DLG1: variants seen among roughly 807,000 people sequenced by gnomAD.
The protein encoded by DLG1 is disks large homolog 1.
In DLG1, 42 loss-of-function variants were observed where a neutral mutation model predicts 123.4. The ratio of observed to expected loss-of-function variants is 0.34; its 90% CI spans 0.27 to 0.44. The LOEUF is 0.44. Ranked by LOEUF, DLG1 falls within the 20% of genes least tolerant of loss-of-function variation. The pLI is 1.00. For missense variants in DLG1, 942 were observed against 1,082.6 expected (o/e 0.87, Z 1.82); for synonymous variants, 317 against 356.2 (o/e 0.89, Z 1.24).
chr3:197,296,380 G>T lies in DLG1; in HGVS notation c.117C>A (p.Asn39Lys). 6.2e-7 allele frequency: 1 copy of T among 1,613,680 alleles called. No individual in the cohort carries two copies. Among genetic ancestry groups the T allele is most frequent in the Non-Finnish European group, 8.5e-7 (1 of 1,179,684 alleles). Residue 39 changes from asparagine to lysine, a missense_variant, in exon 3 of 25, where the codon AAC becomes AAA. Asn to Lys is a moderately conservative substitution (Grantham distance 94, BLOSUM62 0). Coordinates refer to ENST00000667157, the MANE Select transcript of DLG1 (RefSeq NM_001366207.1). ...CCTGAAAGAGGTTGCTCTGAAATAT[G>T]TTAATAACCCGTTCTATGGAACTTC... is the stretch of plus-strand genomic sequence containing the variant. ...QLRSSIERVI[N>K]IFQSNLFQAL...
At chr3:197,128,551 G>T (rs1484866002) in intron 11 of DLG1, among the ~76,000 whole-genome samples, 1 of 152,208 alleles carries the variant, frequency 6.6e-6, no homozygotes, top group Non-Finnish European at 1.5e-5. Context: ...CATGAATCAT[G>T]AATGTCCTTA....
chr3:197,113,651 A>G (rs1178320829), intron 13 of DLG1, among the ~76,000 whole-genome samples: 2 of 152,162 alleles, frequency 1.3e-5, no homozygotes, highest in African/African-American at 2.4e-5. Context: ...AATTTCTGAT[A>G]AACAGTATAT....
At chr3:197,204,504 T>A (rs534879759) in intron 4 of DLG1, among the ~76,000 whole-genome samples, 1 of 152,368 alleles carries the variant, frequency 6.6e-6, no homozygotes, top group South Asian at 2.1e-4. Context: ...TTAGCTATTA[T>A]ATACATTAAC....
At chr3:197,272,362 AAG>A (rs1491149398) in intron 4 of DLG1, among the ~76,000 whole-genome samples, 1 of 152,144 alleles carries the variant, frequency 6.6e-6, no homozygotes, top group African/African-American at 2.4e-5. Context: ...GGAAAAAAAA[AAG>A]AAAAAAAAAA....
intron 17 of DLG1, among the ~76,000 whole-genome samples, chr3:197,079,115 T>C (rs185632436): frequency 6.6e-6 from 1 of 152,258 alleles, no homozygotes; most frequent in East Asian, 1.9e-4. Flanking sequence ...ACTGAAGACT[T>C]GCTACCTCCA....
intron 4 of DLG1, among the ~76,000 whole-genome samples, chr3:197,273,648 T>C (rs1460564545): frequency 6.6e-6 from 1 of 151,892 alleles, no homozygotes; most frequent in African/African-American, 2.4e-5. Context: ...AAAGTATCCC[T>C]TAACACCATT....
At chr3:197,189,608 A>G (rs982506583) in intron 5 of DLG1, among the ~76,000 whole-genome samples, 6 of 152,198 alleles carry the variant, frequency 3.9e-5, no homozygotes, top group Non-Finnish European at 7.3e-5. Context: ...AGGATGGTTT[A>G]TAATTGTTTC....
At chr3:197,204,183 T>C (rs991521091) in intron 4 of DLG1, among the ~76,000 whole-genome samples, 1 of 152,234 alleles carries the variant, frequency 6.6e-6, no homozygotes, top group African/African-American at 2.4e-5. Context: ...TTACACTGAC[T>C]TCATTTTTCT....
chr3:197,265,080 A>C (rs1761109799), intron 4 of DLG1, among the ~76,000 whole-genome samples: 1 of 152,196 alleles, frequency 6.6e-6, no homozygotes, highest in Non-Finnish European at 1.5e-5. Flanking sequence ...ATCTTCTGTA[A>C]GTATCTGTAA....
intron 14 of DLG1, among the ~76,000 whole-genome samples, chr3:197,099,980 G>A (rs952626035): frequency 6.6e-6 from 1 of 152,178 alleles, no homozygotes; most frequent in African/African-American, 2.4e-5. Context: ...AATCTGACAG[G>A]CATATGGCAT....
At chr3:197,126,405 T>G (rs1364033585) in intron 11 of DLG1, among the ~76,000 whole-genome samples, 2 of 151,896 alleles carry the variant, frequency 1.3e-5, no homozygotes, top group Non-Finnish European at 2.9e-5. Context: ...AGGCAGAGGT[T>G]GTGGTGATCC....
chr3:197,154,894 A>G (rs1230526760), intron 5 of DLG1, among the ~76,000 whole-genome samples: 1 of 152,182 alleles, frequency 6.6e-6, no homozygotes, highest in African/African-American at 2.4e-5. Flanking sequence ...TGAAGAACAG[A>G]AATAAAAGAG....
intron 4 of DLG1, among the ~76,000 whole-genome samples, chr3:197,241,082 T>C (rs1186841868): frequency 6.6e-6 from 1 of 151,888 alleles, no homozygotes; most frequent in Non-Finnish European, 1.5e-5. Context: ...CCAAATAAGA[T>C]TACCCAAAGG....
chr3:197,240,471 A>G (rs899539778), intron 4 of DLG1, among the ~76,000 whole-genome samples: 4 of 152,196 alleles, frequency 2.6e-5, no homozygotes, highest in Admixed American at 6.5e-5. Flanking sequence ...AAGGCTGAAT[A>G]AAACAGCCAC....
intron 11 of DLG1, among the ~76,000 whole-genome samples, chr3:197,123,937 AAT>A (rs1329032298): frequency 1.3e-5 from 2 of 152,204 alleles, no homozygotes; most frequent in East Asian, 1.9e-4. Context: ...ACCCTTACTG[AAT>A]ATATGTTTTA....
intron 4 of DLG1, among the ~76,000 whole-genome samples, chr3:197,244,309 T>C (rs544482556): frequency 6.6e-6 from 1 of 152,292 alleles, no homozygotes; most frequent in East Asian, 1.9e-4. Context: ...TACCATACAG[T>C]TCATGCCTGG....
intron 18 of DLG1, chr3:197,075,902 T>A: frequency 1.9e-6 from 3 of 1,601,526 alleles, no homozygotes; most frequent in Non-Finnish European, 2.6e-6. Context: ...GAGCAAGCAA[T>A]AAAAAGATAA....
intron 4 of DLG1, among the ~76,000 whole-genome samples, chr3:197,261,367 A>C (rs1409772389): frequency 1.3e-5 from 2 of 152,222 alleles, no homozygotes; most frequent in Non-Finnish European, 2.9e-5. Context: ...GCTTGAGCCC[A>C]GGAGTTTGAG....
chr3:197,244,248 G>C (rs1750448652), intron 4 of DLG1, among the ~76,000 whole-genome samples: 1 of 152,220 alleles, frequency 6.6e-6, no homozygotes, highest in African/African-American at 2.4e-5. Context: ...ATAGCAGAGA[G>C]GGAGCTTGGC....
Sources: gnomAD v4.1 joint callset for allele counts (sites outside exome capture counted in the v4.1 genomes callset) on GRCh38, gnomAD v4.1.1 for gene constraint, MANE v1.5 for transcripts, NCBI Gene and HGNC (gene_info 2026-07-23, HGNC 2026-07-21) for gene names.